Variants in WWTR1 observed in about 807,000 individuals in gnomAD.
WWTR1 encodes the protein WW domain containing transcription regulator 1.
A neutral mutation model predicts 40.1 loss-of-function variants in WWTR1; 13 were observed. The observed-to-expected ratio is 0.32, with a 90% CI of 0.21 to 0.52. The LOEUF is 0.52. Among genes scored for constraint, WWTR1 ranks in the 20% least tolerant of loss-of-function variants. WWTR1 has a pLI of 0.97. For synonymous variants in WWTR1, 230 were observed against 210.1 expected (o/e 1.09, Z -0.82); for missense variants, 436 against 523.1 (o/e 0.83, Z 1.63).
chr3:149,530,915 G>A (rs1458474600), intron 4 of WWTR1, among the ~76,000 whole-genome samples: 2 of 151,384 alleles, frequency 1.3e-5, no homozygotes, highest in Admixed American at 1.3e-4. Flanking sequence ...CAGAAAGGGT[G>A]TTGAATGTAC....
intron 2 of WWTR1, among the ~76,000 whole-genome samples, chr3:149,635,841 T>TA (rs572299926): frequency 5.9e-4 from 89 of 151,744 alleles, no homozygotes; most frequent in African/African-American, 1.1e-3. Flanking sequence ...TTTTTTAAAA[T>TA]AAAAAAAAGG....
At chr3:149,570,815 C>A (rs980095978) in intron 3 of WWTR1, among the ~76,000 whole-genome samples, 19 of 152,076 alleles carry the variant, frequency 1.2e-4, no homozygotes, top group African/African-American at 4.6e-4. Context: ...ATTCAAGCTT[C>A]TTTTAATTAG....
chr3:149,679,252 T>C (rs1260464638), intron 1 of WWTR1, among the ~76,000 whole-genome samples: 1 of 152,236 alleles, frequency 6.6e-6, no homozygotes, highest in Non-Finnish European at 1.5e-5. Flanking sequence ...AATACCAAGT[T>C]AAGGAAGAGT....
At chr3:149,569,029 G>A (rs1441356934) in intron 3 of WWTR1, among the ~76,000 whole-genome samples, 1 of 152,206 alleles carries the variant, frequency 6.6e-6, no homozygotes, top group Non-Finnish European at 1.5e-5. Flanking sequence ...GTCTCCCAAA[G>A]TGCTGGGATT....
intron 2 of WWTR1, among the ~76,000 whole-genome samples, chr3:149,630,659 C>T (rs544273972): frequency 6.6e-6 from 1 of 152,248 alleles, no homozygotes; most frequent in Admixed American, 6.5e-5. Flanking sequence ...GCATATAAAT[C>T]GGGGCACCTT....
rs34414853 is a variant in WWTR1, at chr3:149,568,523, C to CAAAAAAAAA, written c.568+4332_568+4340dup. 1.4e-3 allele frequency among the ~76,000 whole-genome samples: 92 copies of CAAAAAAAAA among 64,810 alleles called. 15 individuals carry two copies. The highest frequency in any genetic ancestry group is 2.3e-3 in the African/African-American group (47 of 20,624). The allele number at this position is 64,810 out of a possible 152,430, so 42.5% of individuals were successfully genotyped here. ...GGAGATGGCTATTTGAATTAAAGTG[C>CAAAAAAAAA]AAAAAAAAAAAAAAAAAAAAAAAAA... On this transcript the variant is annotated intron_variant, in intron 3 of 6. Transcript: ENST00000360632.
intron 2 of WWTR1, among the ~76,000 whole-genome samples, chr3:149,666,248 C>T (rs1239809841): frequency 1.3e-5 from 2 of 152,250 alleles, no homozygotes; most frequent in East Asian, 1.9e-4. Context: ...CAAGTTAGGA[C>T]ACTTTTCATG....
intron 4 of WWTR1, among the ~76,000 whole-genome samples, chr3:149,539,201 C>T (rs536122880): frequency 1.3e-5 from 2 of 152,192 alleles, no homozygotes; most frequent in East Asian, 3.9e-4. Flanking sequence ...GGAACAACGG[C>T]ATAGCAGAAG....
At chr3:149,544,707 A>G (rs1736289350) in intron 3 of WWTR1, among the ~76,000 whole-genome samples, 4 of 152,190 alleles carry the variant, frequency 2.6e-5, no homozygotes, top group Admixed American at 2.6e-4. Flanking sequence ...TCTTAGACTG[A>G]AGAAGAGGAA....
chr3:149,597,784 C>T (rs922118871), intron 2 of WWTR1, among the ~76,000 whole-genome samples: 2 of 152,192 alleles, frequency 1.3e-5, no homozygotes, highest in Non-Finnish European at 2.9e-5. Flanking sequence ...ACCTTGGACA[C>T]AAGTGCACTT....
At chr3:149,600,213 A>G (rs1247490847) in intron 2 of WWTR1, among the ~76,000 whole-genome samples, 3 of 152,226 alleles carry the variant, frequency 2.0e-5, no homozygotes, top group African/African-American at 4.8e-5. Context: ...TATATCACAC[A>G]GTGTAATCAA....
intron 2 of WWTR1, chr3:149,576,359 C>T (rs906830188): frequency 2.9e-5 from 9 of 307,354 alleles, no homozygotes; most frequent in East Asian, 1.6e-4. Context: ...ACCCAGGATA[C>T]GCCATTCACT....
rs1016908117 is a variant in WWTR1, at chr3:149,542,231, CTCT to C, written c.771+101_771+103del. The C allele has an allele frequency of 7.6e-5, 102 of 1,341,040 alleles. No homozygotes were observed. The Admixed American group carries it at 2.2e-3, about 29-fold the overall frequency. 83.1% of individuals were successfully genotyped at this position (1,341,040 alleles called of 1,614,324 possible). On this transcript the variant is annotated intron_variant, in intron 4 of 6. Coordinates refer to ENST00000360632, the MANE Select transcript of WWTR1 (RefSeq NM_015472.6). ...GGAGTAGGGCTTTGAGCCCTATTGT[CTCT>C]TCTTCTCTAGAAGAATTACCCTGAA...
At position 149,635,549 on chromosome 3, in the gene WWTR1, GAGA is replaced by G. The variant is rs747943376; in HGVS notation, c.431+21324_431+21326del. ...GGAGAAGGAGAAGGAGAAAGAGAAG[GAGA>G]AGAAGAAGAGGAAGGAGGACGAAGA... On this transcript the variant is annotated intron_variant, in intron 2 of 6. Transcript: ENST00000360632. Among the ~76,000 whole-genome samples, 25 of 152,020 alleles carry G rather than the reference GAGA, an allele frequency of 1.6e-4. No homozygotes were observed. The Middle Eastern group carries it at 0.01, about 62-fold the overall frequency.
chr3:149,592,483 G>A (rs1304324229), intron 2 of WWTR1, among the ~76,000 whole-genome samples: 1 of 152,128 alleles, frequency 6.6e-6, no homozygotes, highest in East Asian at 1.9e-4. Context: ...ATAAATGTAA[G>A]TACAATGCTA....
intron 4 of WWTR1, among the ~76,000 whole-genome samples, chr3:149,535,371 G>A (rs1735778958): frequency 6.6e-6 from 1 of 151,636 alleles, no homozygotes; most frequent in Non-Finnish European, 1.5e-5. Context: ...TACGGGGGAC[G>A]GCGGGGGGAA....
intron 2 of WWTR1, among the ~76,000 whole-genome samples, chr3:149,635,954 T>G (rs1270516351): frequency 6.6e-6 from 1 of 152,242 alleles, no homozygotes; most frequent in African/African-American, 2.4e-5. Context: ...TTTTCCCACT[T>G]TTCTGAGATC....
chr3:149,623,748 A>AAG (rs1340347393), intron 2 of WWTR1, among the ~76,000 whole-genome samples: 2 of 152,176 alleles, frequency 1.3e-5, no homozygotes, highest in East Asian at 3.8e-4. Context: ...TAGAGAAGAT[A>AAG]CAATCCTGAT....
At chr3:149,538,574 G>A (rs965841044) in intron 4 of WWTR1, among the ~76,000 whole-genome samples, 5 of 152,302 alleles carry the variant, frequency 3.3e-5, no homozygotes, top group Non-Finnish European at 5.9e-5. Flanking sequence ...AGATTGGAGG[G>A]ACTGCATTTA....
Sources: gnomAD v4.1 joint callset for allele counts (sites outside exome capture counted in the v4.1 genomes callset) on GRCh38, gnomAD v4.1.1 for gene constraint, MANE v1.5 for transcripts, NCBI Gene and HGNC (gene_info 2026-07-23, HGNC 2026-07-21) for gene names.